Variants in KCNH8 observed in about 807,000 individuals in gnomAD.
KCNH8 encodes the protein voltage-gated delayed rectifier potassium channel KCNH8.
Under a neutral mutation model 103.6 loss-of-function variants are expected in KCNH8, and 70 were observed. The ratio of observed to expected loss-of-function variants is 0.68; its 90% CI spans 0.56 to 0.82. The LOEUF (loss-of-function observed/expected upper bound fraction) is 0.82. KCNH8 is among the 40% of genes least tolerant of loss of function. KCNH8 has a pLI of 0.00. For synonymous variants in KCNH8, 498 were observed against 489.4 expected (o/e 1.02, Z -0.23); for missense variants, 1,217 against 1,329.9 (o/e 0.92, Z 1.32).
At chr3:19,464,240 T>G (rs1211749279) in intron 11 of KCNH8, among the ~76,000 whole-genome samples, 1 of 152,064 alleles carries the variant, frequency 6.6e-6, no homozygotes, top group African/African-American at 2.4e-5. Flanking sequence ...GGCCCACACT[T>G]TATGGTCACC....
At chr3:19,410,778 G>T (rs1380835829) in intron 7 of KCNH8, among the ~76,000 whole-genome samples, 1 of 147,866 alleles carries the variant, frequency 6.8e-6, no homozygotes, top group East Asian at 2.0e-4. Flanking sequence ...TAAATTCTTG[G>T]AAAGATAAAA....
intron 2 of KCNH8, among the ~76,000 whole-genome samples, chr3:19,277,324 A>T (rs984034850): frequency 7.2e-5 from 11 of 152,160 alleles, no homozygotes; most frequent in Non-Finnish European, 1.5e-4. Flanking sequence ...GTGCTTTGAG[A>T]GGCCAAGGTG....
chr3:19,395,547 A>G (rs2066503761), intron 7 of KCNH8, among the ~76,000 whole-genome samples: 1 of 152,028 alleles, frequency 6.6e-6, no homozygotes, highest in African/African-American at 2.4e-5. Context: ...TTTATATATA[A>G]TCAAAATGAC....
chr3:19,298,430 C>T (rs1214947930), intron 3 of KCNH8, among the ~76,000 whole-genome samples: 2 of 152,150 alleles, frequency 1.3e-5, no homozygotes, highest in African/African-American at 4.8e-5. Flanking sequence ...GTATATCTTT[C>T]ATATAGTTTT....
intron 8 of KCNH8, among the ~76,000 whole-genome samples, chr3:19,449,479 C>T (rs571424136): frequency 6.6e-6 from 1 of 151,984 alleles, no homozygotes; most frequent in Non-Finnish European, 1.5e-5. Context: ...TGGAGCTTCA[C>T]ACTGCTCAAG....
intron 15 of KCNH8, among the ~76,000 whole-genome samples, chr3:19,529,816 G>A (rs2069129539): frequency 6.6e-6 from 1 of 152,038 alleles, no homozygotes; most frequent in Non-Finnish European, 1.5e-5. Context: ...AAGGTTCAGG[G>A]GTGTATCCCC....
chr3:19,501,339 C>A (rs546906634), intron 11 of KCNH8, among the ~76,000 whole-genome samples: 2 of 152,138 alleles, frequency 1.3e-5, no homozygotes, highest in Non-Finnish European at 2.9e-5. Context: ...CCGAATTCTA[C>A]CAGAGGTGCA....
At chr3:19,274,658 C>T (rs924535598) in intron 2 of KCNH8, among the ~76,000 whole-genome samples, 5 of 152,052 alleles carry the variant, frequency 3.3e-5, no homozygotes, top group South Asian at 4.1e-4. Context: ...AGTTTCCAGG[C>T]TCCTCTTGTT....
intron 5 of KCNH8, among the ~76,000 whole-genome samples, chr3:19,365,046 A>G (rs2065993494): frequency 6.6e-6 from 1 of 152,118 alleles, no homozygotes; most frequent in African/African-American, 2.4e-5. Flanking sequence ...AATTATAAGA[A>G]TTACTTTATT....
chr3:19,430,804 GA>G (rs1325548000), intron 7 of KCNH8, among the ~76,000 whole-genome samples: 2 of 152,132 alleles, frequency 1.3e-5, no homozygotes, highest in East Asian at 3.9e-4. Flanking sequence ...TTGATATATA[GA>G]AATGCTAGGG....
intron 3 of KCNH8, among the ~76,000 whole-genome samples, chr3:19,293,499 T>C (rs980454766): frequency 1.3e-5 from 2 of 152,208 alleles, no homozygotes; most frequent in East Asian, 3.8e-4. Context: ...TCTCAGGCTC[T>C]AGATTAGACC....
chr3:19,281,274 G>T lies in KCNH8; in HGVS notation c.387G>T (p.Ser129=). Reference sequence around the variant, plus strand: ...GAGATGTAGTACTTTTTCTGGCCTCGTTCAAAGATATAACAGATACAAAAG... The same window carrying T: ...GAGATGTAGTACTTTTTCTGGCCTCTTTCAAAGATATAACAGATACAAAAG... ...EKGDVVLFLA[S]FKDITDTKVK... The change falls in exon 3 of 16, where the codon TCG becomes TCT. Residue 129 remains serine (S), a synonymous_variant. Transcript: ENST00000328405. 3 of 1,611,122 alleles carry T rather than the reference G, an allele frequency of 1.9e-6. No homozygotes were observed. The highest frequency in any genetic ancestry group is 1.7e-4 in the Middle Eastern group (1 of 6,038).
At chr3:19,307,045 A>G (rs1040755775) in intron 3 of KCNH8, among the ~76,000 whole-genome samples, 3 of 152,026 alleles carry the variant, frequency 2.0e-5, no homozygotes, top group Admixed American at 2.0e-4. Context: ...AGAACAGAAT[A>G]GAGAATCCAG....
chr3:19,295,608 A>G (rs1461318630), intron 3 of KCNH8, among the ~76,000 whole-genome samples: 2 of 152,096 alleles, frequency 1.3e-5, no homozygotes, highest in Non-Finnish European at 2.9e-5. Flanking sequence ...GTCACTGAGG[A>G]CAGGCTGGAG....
intron 2 of KCNH8, among the ~76,000 whole-genome samples, chr3:19,259,450 A>T (rs1318658856): frequency 1.3e-5 from 2 of 151,860 alleles, no homozygotes; most frequent in Non-Finnish European, 2.9e-5. Flanking sequence ...TAATTTTCCC[A>T]GTAACCCTTC....
At chr3:19,324,057 G>C (rs1161912287) in intron 3 of KCNH8, among the ~76,000 whole-genome samples, 3 of 152,170 alleles carry the variant, frequency 2.0e-5, no homozygotes, top group African/African-American at 7.2e-5. Context: ...TGGATCCATA[G>C]AGCTCCCAAG....
intron 13 of KCNH8, among the ~76,000 whole-genome samples, chr3:19,513,886 C>T (rs974339600): frequency 2.0e-5 from 3 of 151,910 alleles, no homozygotes; most frequent in South Asian, 2.1e-4. Flanking sequence ...TGATTGAAAG[C>T]GTGAAAAATC....
intron 3 of KCNH8, among the ~76,000 whole-genome samples, chr3:19,331,756 C>A (rs919032906): frequency 6.6e-6 from 1 of 152,054 alleles, no homozygotes; most frequent in Admixed American, 6.6e-5. Flanking sequence ...TCCAATTATA[C>A]CCTTTTAAGT....
At chr3:19,507,708 G>C (rs147583190) in intron 11 of KCNH8, among the ~76,000 whole-genome samples, 2 of 152,232 alleles carry the variant, frequency 1.3e-5, no homozygotes, top group African/African-American at 4.8e-5. Context: ...GGAGACCTGG[G>C]TGGAAAAAGG....
Sources: allele counts gnomAD v4.1 joint callset (sites outside exome capture counted in the v4.1 genomes callset), GRCh38; gene constraint gnomAD v4.1.1; transcripts MANE v1.5; gene names NCBI Gene and HGNC (gene_info 2026-07-23, HGNC 2026-07-21).